The following DLG2 variants were observed in gnomAD, a reference collection of about 807,000 sequenced individuals.
DLG2 encodes the protein disks large homolog 2.
DLG2 carries 45 observed loss-of-function variants against 132.5 expected under a neutral mutation model. That is an observed-to-expected ratio of 0.34 (90% CI 0.27 to 0.44). DLG2 has a LOEUF of 0.44. Ranked by LOEUF, DLG2 falls within the 20% of genes least tolerant of loss-of-function variation. The pLI is 1.00. For synonymous variants in DLG2, 424 were observed against 419.6 expected (o/e 1.01, Z -0.13); for missense variants, 1,045 against 1,196.9 (o/e 0.87, Z 1.87).
At chr11:83,842,556 C>T (rs914569074) in intron 16 of DLG2, among the ~76,000 whole-genome samples, 13 of 138,226 alleles carry the variant, frequency 9.4e-5, no homozygotes, top group Non-Finnish European at 1.7e-4. Flanking sequence ...AGGCCGGGCA[C>T]GGTGGCTCAT....
At chr11:85,537,745 C>T (rs1419651362) in intron 3 of DLG2, among the ~76,000 whole-genome samples, 2 of 151,866 alleles carry the variant, frequency 1.3e-5, no homozygotes, top group African/African-American at 2.4e-5. Context: ...AGTGAGACCA[C>T]GAACCCACCA....
chr11:85,021,403 A>G (rs903112343), intron 6 of DLG2: 2 of 1,373,202 alleles, frequency 1.5e-6, no homozygotes, highest in African/African-American at 1.4e-5. Context: ...CACTGGAGCC[A>G]GGTTAATATC....
intron 5 of DLG2, among the ~76,000 whole-genome samples, chr11:85,116,102 C>T (rs2073535269): frequency 6.6e-6 from 1 of 151,918 alleles, no homozygotes. Flanking sequence ...GCCCAAGGAG[C>T]AGAACTAAGT....
intron 3 of DLG2, among the ~76,000 whole-genome samples, chr11:85,325,297 G>C (rs1191190706): frequency 6.6e-6 from 1 of 152,226 alleles, no homozygotes; most frequent in Non-Finnish European, 1.5e-5. Context: ...GTCTGCCTCT[G>C]TAGGCTCCAC....
At chr11:84,537,811 C>T (rs906912430) in intron 6 of DLG2, among the ~76,000 whole-genome samples, 3 of 152,188 alleles carry the variant, frequency 2.0e-5, no homozygotes, top group Non-Finnish European at 4.4e-5. Flanking sequence ...TGAATATAGC[C>T]ATGAGCTACC....
intron 7 of DLG2, among the ~76,000 whole-genome samples, chr11:84,513,634 C>G (rs561922841): frequency 1.3e-5 from 2 of 152,054 alleles, no homozygotes; most frequent in Admixed American, 1.3e-4. Context: ...TATCCATATG[C>G]AGAAGAATGA....
intron 9 of DLG2, among the ~76,000 whole-genome samples, chr11:84,105,237 G>A (rs2154186108): frequency 6.6e-6 from 1 of 152,226 alleles, no homozygotes; most frequent in Admixed American, 6.5e-5. Context: ...ACGGTTTAGT[G>A]GAAAAACATA....
intron 3 of DLG2, among the ~76,000 whole-genome samples, chr11:85,427,350 G>GA (rs1277310606): frequency 6.6e-6 from 1 of 152,112 alleles, no homozygotes; most frequent in African/African-American, 2.4e-5. Flanking sequence ...TGAAATGAAG[G>GA]AAAAAATGTT....
chr11:84,165,617 C>A (rs1228060332), intron 8 of DLG2, among the ~76,000 whole-genome samples: 1 of 152,096 alleles, frequency 6.6e-6, no homozygotes, highest in Non-Finnish European at 1.5e-5. Context: ...TAAAACAAAG[C>A]ATCCCGGCTG....
At position 85,460,396 on chromosome 11, in the gene DLG2, T is replaced by A. The variant is rs528854347; in HGVS notation, c.40+138261A>T. Among the ~76,000 whole-genome samples, 272 of 152,254 alleles carry A rather than the reference T, an allele frequency of 1.8e-3. 1 individual carries two copies. Among genetic ancestry groups the A allele is most frequent in the Non-Finnish European group, 3.0e-3 (203 of 68,006 alleles). Reference sequence around the variant, plus strand: ...ATGCATGGATCACCTGAGCCCAGGGTTGCAAAGGTCCATGGCAGAACTGTG... The same window carrying A: ...ATGCATGGATCACCTGAGCCCAGGGATGCAAAGGTCCATGGCAGAACTGTG... On this transcript the variant is annotated intron_variant, in intron 3 of 27. Transcript: ENST00000376104.
At chr11:85,434,236 G>A (rs755795715) in intron 3 of DLG2, among the ~76,000 whole-genome samples, 10 of 152,068 alleles carry the variant, frequency 6.6e-5, no homozygotes, top group Admixed American at 5.9e-4. Context: ...ATCTCAAATC[G>A]ACACCCTAAC....
At chr11:85,160,843 C>T (rs1317047976) in intron 4 of DLG2, among the ~76,000 whole-genome samples, 1 of 151,586 alleles carries the variant, frequency 6.6e-6, no homozygotes, top group Non-Finnish European at 1.5e-5. Flanking sequence ...AGGCACCATA[C>T]CCCTGCATAC....
chr11:85,283,028 C>A (rs960443264), intron 4 of DLG2, among the ~76,000 whole-genome samples: 1 of 151,634 alleles, frequency 6.6e-6, no homozygotes, highest in Non-Finnish European at 1.5e-5. Flanking sequence ...TAAGTGGGAG[C>A]CAATGATGAG....
At chr11:84,404,903 C>T (rs1225244281) in intron 7 of DLG2, among the ~76,000 whole-genome samples, 1 of 152,100 alleles carries the variant, frequency 6.6e-6, no homozygotes, top group Admixed American at 6.5e-5. Flanking sequence ...CCTAATGTCA[C>T]TTACTTTTTA....
chr11:83,991,245 A>C (rs1488772879), intron 11 of DLG2, among the ~76,000 whole-genome samples: 1 of 152,198 alleles, frequency 6.6e-6, no homozygotes, highest in African/African-American at 2.4e-5. Context: ...ATTCTGCTTA[A>C]AATTTCTAAG....
chr11:85,229,368 G>C (rs1459681913), intron 4 of DLG2, among the ~76,000 whole-genome samples: 2 of 151,820 alleles, frequency 1.3e-5, no homozygotes, highest in Non-Finnish European at 2.9e-5. Context: ...ACATTTATGT[G>C]GCCAACAAAC....
intron 6 of DLG2, among the ~76,000 whole-genome samples, chr11:84,822,338 A>T (rs2077799627): frequency 6.6e-6 from 1 of 151,882 alleles, no homozygotes; most frequent in African/African-American, 2.4e-5. Flanking sequence ...AATGACTGGC[A>T]AATGATAATT....
chr11:83,698,728 C>A (rs537197664), intron 18 of DLG2, among the ~76,000 whole-genome samples: 62 of 152,290 alleles, frequency 4.1e-4, no homozygotes, highest in African/African-American at 1.4e-3. Flanking sequence ...ATGTGCCAAG[C>A]TCTGAAAGCC....
intron 4 of DLG2, among the ~76,000 whole-genome samples, chr11:85,202,881 T>C (rs888857184): frequency 2.0e-5 from 3 of 151,734 alleles, no homozygotes; most frequent in Non-Finnish European, 4.4e-5. Context: ...CCAAAAGCTA[T>C]GGGATATAGT....
Sources: allele counts gnomAD v4.1 joint callset (sites outside exome capture counted in the v4.1 genomes callset), GRCh38; gene constraint gnomAD v4.1.1; transcripts MANE v1.5; gene names NCBI Gene and HGNC (gene_info 2026-07-23, HGNC 2026-07-21).